The following ACAT1 variants were observed in gnomAD, a reference collection of about 807,000 sequenced individuals.
ACAT1 encodes the protein acetyl-CoA acetyltransferase, mitochondrial.
Under a neutral mutation model 47.3 loss-of-function variants are expected in ACAT1, and 28 were observed. That is an observed-to-expected ratio of 0.59 (90% CI 0.44 to 0.81). The LOEUF (loss-of-function observed/expected upper bound fraction) is 0.81, where lower values mean the gene tolerates loss of function less well. Ranked by LOEUF, ACAT1 falls within the 30% of genes least tolerant of loss-of-function variation. ACAT1 has a pLI of 0.00. For synonymous variants in ACAT1, 181 were observed against 173.6 expected (o/e 1.04, Z -0.34); for missense variants, 469 against 524.3 (o/e 0.89, Z 1.03).
At chr11:108,146,809 C>T (rs187747454) in intron 11 of ACAT1, among the ~76,000 whole-genome samples, 63 of 152,288 alleles carry the variant, frequency 4.1e-4, no homozygotes, top group African/African-American at 1.0e-3. Flanking sequence ...TGGCCAGGCA[C>T]GGTGGCTCAC....
intron 7 of ACAT1, among the ~76,000 whole-genome samples, chr11:108,140,659 A>G (rs915692626): frequency 6.6e-6 from 1 of 152,182 alleles, no homozygotes; most frequent in Non-Finnish European, 1.5e-5. Context: ...CAGCCTTTCT[A>G]AAGTTGCTGC....
At position 108,146,900 on chromosome 11, in the gene ACAT1, C is replaced by T. The variant is rs1026342511; in HGVS notation, c.1164-370C>T. 7.2e-5 allele frequency among the ~76,000 whole-genome samples: 11 copies of T among 152,266 alleles called. 1 individual carries two copies. The East Asian group carries it at 7.7e-4, about 11-fold the overall frequency. On this transcript the variant is annotated intron_variant, in intron 11 of 11. Coordinates refer to ENST00000265838, the MANE Select transcript of ACAT1 (RefSeq NM_000019.4). The stretch of plus-strand genomic sequence containing the variant: ...ATAGAGGCCATCCTGGCCAACATGG[C>T]GAAACCCTGTCTCTACTAAAAATAC...
intron 11 of ACAT1, 76 bp from the exon 12 acceptor site, chr11:108,147,194 A>T: frequency 6.4e-7 from 1 of 1,555,696 alleles, no homozygotes. Flanking sequence ...TCAAGAAGTT[A>T]AATTGGAATA....
At chr11:108,144,671 A>G (rs1475555024) in intron 10 of ACAT1, among the ~76,000 whole-genome samples, 1 of 146,152 alleles carries the variant, frequency 6.8e-6, no homozygotes, top group Non-Finnish European at 1.5e-5. Context: ...TTTTAGTAAA[A>G]TCAGATTCTC....
At chr11:108,123,723 A>G (rs114754858) in intron 1 of ACAT1, among the ~76,000 whole-genome samples, 1 of 152,160 alleles carries the variant, frequency 6.6e-6, no homozygotes, top group African/African-American at 2.4e-5. Flanking sequence ...TAGTTTTTGT[A>G]GACACGGGGT....
At chr11:108,123,943 T>A (rs1411295822) in intron 1 of ACAT1, among the ~76,000 whole-genome samples, 1 of 152,236 alleles carries the variant, frequency 6.6e-6, no homozygotes, top group Non-Finnish European at 1.5e-5. Context: ...AAAAAATTCC[T>A]GTATTGTGCC....
At chr11:108,126,962 T>A (rs2077261273) in intron 1 of ACAT1, among the ~76,000 whole-genome samples, 2 of 151,570 alleles carry the variant, frequency 1.3e-5, no homozygotes, top group African/African-American at 4.8e-5. Context: ...CCTGTTATTT[T>A]TTTATTTTAT....
At chr11:108,128,225 G>A (rs1353907670) in intron 1 of ACAT1, among the ~76,000 whole-genome samples, 2 of 152,198 alleles carry the variant, frequency 1.3e-5, no homozygotes, top group African/African-American at 4.8e-5. Context: ...GGGTTGAACT[G>A]TAAAGAGGAG....
At chr11:108,129,472 G>A (rs1397034761) in intron 1 of ACAT1, among the ~76,000 whole-genome samples, 5 of 152,032 alleles carry the variant, frequency 3.3e-5, no homozygotes, top group Non-Finnish European at 7.4e-5. Context: ...GGGTTCAAGC[G>A]ATTCTCCTGC....
At chr11:108,140,701 T>C (rs1358721665) in intron 7 of ACAT1, among the ~76,000 whole-genome samples, 6 of 152,194 alleles carry the variant, frequency 3.9e-5, no homozygotes, top group African/African-American at 1.4e-4. Context: ...TATAGGGTTC[T>C]CAAAAAGGAG....
chr11:108,145,903 T>C (rs2077697897), intron 10 of ACAT1, among the ~76,000 whole-genome samples: 1 of 151,960 alleles, frequency 6.6e-6, no homozygotes, highest in African/African-American at 2.4e-5. Flanking sequence ...AAAAATTAGC[T>C]GGGCATGGTG....
chr11:108,134,436 A>G (rs1385858313), intron 4 of ACAT1, 120 bp downstream of exon 4: 1 of 702,904 alleles, frequency 1.4e-6, no homozygotes, highest in East Asian at 3.2e-5. Context: ...CGAGGTCAAG[A>G]GATGGAGACC....
At chr11:108,139,122 T>C in intron 6 of ACAT1, 81 bp downstream of exon 6, 1 of 1,553,046 alleles carries the variant, frequency 6.4e-7, no homozygotes, top group Non-Finnish European at 8.9e-7. Context: ...CTTTACAAAC[T>C]GAACTGAAAG....
Position 108,121,600 on chromosome 11 carries a change from T to G in ACAT1, c.-7T>G. 1 of 1,550,554 alleles carries G rather than the reference T, an allele frequency of 6.4e-7. No individual in the cohort carries two copies. The highest frequency in any genetic ancestry group is 8.7e-7 in the Non-Finnish European group (1 of 1,147,106). ...CCTGTGGAGCCGATACTCAGCCCTC[T>G]GCGACCATGGCTGTGCTGGCGGCAC... On this transcript the variant is annotated 5_prime_UTR_variant, in exon 1 of 12. Transcript: ENST00000265838.
Position 108,146,261 on chromosome 11 carries a change from C to G in ACAT1, c.1065C>G (p.Ala355=). 6.2e-7 allele frequency: 1 copy of G among 1,613,736 alleles called. No homozygotes were observed. Among genetic ancestry groups the G allele is most frequent in the Non-Finnish European group, 8.5e-7 (1 of 1,179,786 alleles). ...EDIAMWEVNE[A]FSLVVLANIK... is the part of the protein sequence containing the mutation. ...TTGCAATGTGGGAAGTAAATGAAGC[C>G]TTTAGTCTGGTTGTACTAGCAAACA... The change falls in exon 11 of 12, where the codon GCC becomes GCG. Residue 355 remains alanine, a synonymous_variant. Transcript: ENST00000265838.
intron 8 of ACAT1, 85 bp from the exon 9 acceptor site, chr11:108,142,352 C>A: frequency 9.8e-7 from 1 of 1,024,068 alleles, no homozygotes; most frequent in Admixed American, 2.0e-5. Context: ...CATTTAGCAG[C>A]CCAGGCAATA....
intron 8 of ACAT1, among the ~76,000 whole-genome samples, 180 bp from the exon 9 acceptor site, chr11:108,142,257 C>T (rs1004318180): frequency 5.9e-5 from 9 of 152,160 alleles, no homozygotes; most frequent in African/African-American, 2.2e-4. Flanking sequence ...CACAAAAAGG[C>T]ATTCTTACAT....
At chr11:108,139,323 G>A (rs2077535987) in intron 6 of ACAT1, among the ~76,000 whole-genome samples, 1 of 152,110 alleles carries the variant, frequency 6.6e-6, no homozygotes, top group African/African-American at 2.4e-5. Flanking sequence ...GGGTGCGGTG[G>A]CTCTGGCCTG....
At position 108,134,488 on chromosome 11, in the gene ACAT1, C is replaced by G. The variant is rs12226047; in HGVS notation, c.334+172C>G. On this transcript the variant is annotated intron_variant, in intron 4 of 11. Coordinates refer to ENST00000265838, the MANE Select transcript of ACAT1 (RefSeq NM_000019.4). ...TGAAACCCCGTCTCTACTAAAAATACAAAAATTAGCCAGGTGTGGTGGTGC... is the reference window on the plus strand; with the variant it reads ...TGAAACCCCGTCTCTACTAAAAATAGAAAAATTAGCCAGGTGTGGTGGTGC... The G allele has an allele frequency of 0.32, 153,159 of 479,266 alleles. 27,035 individuals carry two copies. Among genetic ancestry groups the G allele is most frequent in the South Asian group, 0.48 (25,074 of 51,716 alleles). The allele number at this position is 479,266 out of a possible 1,614,324, so 29.7% of individuals were successfully genotyped here. A position where few individuals can be genotyped will look rare whatever the true frequency, so the allele number is the denominator to read the frequency against.
Sources: allele counts gnomAD v4.1 joint callset (sites outside exome capture counted in the v4.1 genomes callset), GRCh38; gene constraint gnomAD v4.1.1; transcripts MANE v1.5; gene names NCBI Gene and HGNC (gene_info 2026-07-23, HGNC 2026-07-21).